MCF2L: variants seen among roughly 807,000 people sequenced by gnomAD.
The protein encoded by MCF2L is MCF.2 cell line derived transforming sequence like, also known as guanine nucleotide exchange factor DBS.
MCF2L carries 97 observed loss-of-function variants against 153.4 expected under a neutral mutation model. The ratio of observed to expected loss-of-function variants is 0.63; its 90% CI spans 0.54 to 0.75. MCF2L has a LOEUF of 0.75. Ranked by LOEUF, MCF2L falls within the 30% of genes least tolerant of loss-of-function variation. MCF2L has a pLI of 0.00. For missense variants in MCF2L, 1,347 were observed against 1,495.2 expected (o/e 0.90, Z 1.64); for synonymous variants, 659 against 632.2 (o/e 1.04, Z -0.64).
intron 1 of MCF2L, among the ~76,000 whole-genome samples, chr13:112,982,976 T>C (rs1433986865): frequency 6.6e-6 from 1 of 151,810 alleles, no homozygotes; most frequent in Non-Finnish European, 1.5e-5. Flanking sequence ...CGTCCCCGAG[T>C]CCATGGTGGT....
chr13:112,951,352 G>A lies in MCF2L; in HGVS notation c.169+48981G>A, dbSNP rs981264809. On this transcript the variant is annotated intron_variant, in intron 2 of 29. Transcript: ENST00000375608. This position sits in a 1 kb window ranked among gnomAD's most constrained non-coding sequence, Gnocchi z 4.8. ...TATGACCCAGCAATTGCACTCCTGGGAATTTATCCCAGAGAAATCAAAATT... is the reference window on the plus strand; with the variant it reads ...TATGACCCAGCAATTGCACTCCTGGAAATTTATCCCAGAGAAATCAAAATT... 1.3e-5 allele frequency among the ~76,000 whole-genome samples: 2 copies of A among 152,120 alleles called. No homozygotes were observed. Among genetic ancestry groups the A allele is most frequent in the Admixed American group, 1.3e-4 (2 of 15,276 alleles).
intron 2 of MCF2L, among the ~76,000 whole-genome samples, chr13:112,954,711 G>A (rs534127514): frequency 1.9e-3 from 283 of 152,346 alleles, no homozygotes; most frequent in African/African-American, 6.7e-3. Flanking sequence ...AGCTGCTCCA[G>A]GACCTCTGGG....
At position 113,054,044 on chromosome 13, in the gene MCF2L, G is replaced by A. The variant is rs2087555843; in HGVS notation, c.370-6549G>A. Among the ~76,000 whole-genome samples the A allele has an allele frequency of 6.6e-6, 1 of 152,146 alleles. No homozygotes were observed. The highest frequency in any genetic ancestry group is 1.5e-5 in the Non-Finnish European group (1 of 68,052). ...GCTGGTGTCTGCTGAGAAGCCGAGGGGAGGTTCTGGGGCTTGGCTTGAGCT... is the reference window on the plus strand; with the variant it reads ...GCTGGTGTCTGCTGAGAAGCCGAGGAGAGGTTCTGGGGCTTGGCTTGAGCT... On this transcript the variant is annotated intron_variant, in intron 4 of 29. Transcript: ENST00000535094. This position sits in a 1 kb window ranked among gnomAD's most constrained non-coding sequence, Gnocchi z 5.2.
intron 1 of MCF2L, among the ~76,000 whole-genome samples, chr13:113,006,441 G>A (rs1478609850): frequency 6.6e-6 from 1 of 152,206 alleles, no homozygotes; most frequent in Non-Finnish European, 1.5e-5. Flanking sequence ...CCTCCCCCCG[G>A]GAGCACAGGG....
At chr13:113,056,473 T>G (rs553596603) in intron 4 of MCF2L, among the ~76,000 whole-genome samples, 1 of 144,540 alleles carries the variant, frequency 6.9e-6, no homozygotes, top group Admixed American at 6.9e-5. Flanking sequence ...TGTGTTTGGG[T>G]GCTGAGTGTT....
intron 2 of MCF2L, among the ~76,000 whole-genome samples, chr13:112,953,585 G>T (rs1023996284): frequency 3.3e-5 from 5 of 152,252 alleles, no homozygotes; most frequent in Non-Finnish European, 7.3e-5. Flanking sequence ...CAGAAAGCAG[G>T]GGTGGGAAAG....
At chr13:113,037,995 A>G (rs1428381212) in intron 3 of MCF2L, among the ~76,000 whole-genome samples, 1 of 152,234 alleles carries the variant, frequency 6.6e-6, no homozygotes, top group Non-Finnish European at 1.5e-5. Flanking sequence ...GCAGGGGTCA[A>G]TATACTAAAC....
Position 113,090,393 on chromosome 13 carries a change from A to G in MCF2L, c.2953+665A>G, listed in dbSNP as rs531966100. 1.8e-4 allele frequency: 176 copies of G among 985,408 alleles called. No homozygotes were observed. The African/African-American group carries it at 2.8e-3, about 16-fold the overall frequency. 61.0% of individuals were successfully genotyped at this position (985,408 alleles called of 1,614,324 possible). On this transcript the variant is annotated intron_variant, in intron 26 of 29. Coordinates refer to ENST00000535094, the MANE Select transcript of MCF2L (RefSeq NM_001112732.3). ...TTTTCAAATGGAGGCTTGCTCAGAAACGGAGCTGTCCTTGGCTTTCCAGGC... is the reference window on the plus strand; with the variant it reads ...TTTTCAAATGGAGGCTTGCTCAGAAGCGGAGCTGTCCTTGGCTTTCCAGGC...
chr13:113,080,234 T>A, intron 15 of MCF2L, among the ~76,000 whole-genome samples: 1 of 122,422 alleles, frequency 8.2e-6, no homozygotes, highest in Non-Finnish European at 1.8e-5. Context: ...AGTGTTCGTA[T>A]GGAGGAGGGT....
intron 1 of MCF2L, among the ~76,000 whole-genome samples, chr13:112,990,107 C>A (rs1324091167): frequency 6.6e-6 from 1 of 152,238 alleles, no homozygotes; most frequent in Non-Finnish European, 1.5e-5. Flanking sequence ...CGCTCACTTC[C>A]TGCTGTGCAG....
chr13:113,076,220 TG>T, intron 12 of MCF2L, 63 bp downstream of exon 12: 1 of 1,204,948 alleles, frequency 8.3e-7, no homozygotes, highest in Non-Finnish European at 1.1e-6. Context: ...CATTCCTCTG[TG>T]GGAAGTTTGA....
chr13:112,900,197 C>T (rs1391799032), intron 1 of MCF2L, among the ~76,000 whole-genome samples: 1 of 152,212 alleles, frequency 6.6e-6, no homozygotes, highest in Non-Finnish European at 1.5e-5. Flanking sequence ...GGACATTTTT[C>T]TTCCTACTTT....
intron 3 of MCF2L, among the ~76,000 whole-genome samples, chr13:113,026,115 A>C (rs149569885): frequency 1.5e-4 from 3 of 20,196 alleles, no homozygotes; most frequent in Non-Finnish European, 2.1e-4. Flanking sequence ...GTGAGGTTTC[A>C]TCATGGTGGG....
At chr13:112,898,418 G>C (rs2081088560) in intron 1 of MCF2L, among the ~76,000 whole-genome samples, 1 of 152,180 alleles carries the variant, frequency 6.6e-6, no homozygotes, top group Admixed American at 6.5e-5. Context: ...GCTGCTGCTG[G>C]GTAAAGGCAC....
Position 112,902,103 on chromosome 13 carries a change from G to C in MCF2L, c.-4-96G>C, listed in dbSNP as rs754657615. ...TTCACTGCAGAATAAATACCACGAA[G>C]GTTGTAACTAGTTATTTCGGTTTTG... On this transcript the variant is annotated intron_variant, in intron 1 of 29. Coordinates refer to the MCF2L transcript ENST00000375608. 2.0e-4 allele frequency: 179 copies of C among 889,794 alleles called. 2 individuals are homozygous for C. The highest frequency in any genetic ancestry group is 2.4e-4 in the Non-Finnish European group (137 of 568,924). The allele number at this position is 889,794 out of a possible 1,614,324, so 55.1% of individuals were successfully genotyped here.
At chr13:113,089,173 C>A (rs1217911284) in intron 25 of MCF2L, among the ~76,000 whole-genome samples, 3 of 116,324 alleles carry the variant, frequency 2.6e-5, no homozygotes, top group African/African-American at 3.6e-5. Context: ...TCCCCCGCCC[C>A]CCCCCCCGCC....
chr13:113,050,898 C>T (rs2087261111), intron 4 of MCF2L, among the ~76,000 whole-genome samples: 1 of 151,984 alleles, frequency 6.6e-6, no homozygotes, highest in African/African-American at 2.4e-5. Context: ...AGGAGCTTCC[C>T]CTGGGAACAC....
intron 1 of MCF2L, among the ~76,000 whole-genome samples, chr13:112,972,321 A>T (rs2082064409): frequency 6.7e-6 from 1 of 150,068 alleles, no homozygotes; most frequent in Admixed American, 6.6e-5. Flanking sequence ...GGATGGATGG[A>T]TGGATGGATG....
In MCF2L at chr13:113,062,151, G is replaced by A. The variant is rs897428971; in HGVS notation, c.489+1439G>A. Among the ~76,000 whole-genome samples, 3 of 151,828 alleles carry A rather than the reference G, an allele frequency of 2.0e-5. No homozygotes were observed. In the East Asian group the frequency reaches 5.9e-4, roughly 30 times the overall value. ...TTTTTGTAGCCTTGGAGAAGCCTTA[G>A]TGTCTGAACAGTCCATTCCCTAGAG... On this transcript the variant is annotated intron_variant, in intron 5 of 29. Coordinates refer to ENST00000535094, the MANE Select transcript of MCF2L (RefSeq NM_001112732.3).
Sources: gnomAD v4.1 joint callset for allele counts (sites outside exome capture counted in the v4.1 genomes callset) on GRCh38, gnomAD v4.1.1 for gene constraint, Gnocchi (gnomAD v3.1) non-coding constraint, MANE v1.5 for transcripts, NCBI Gene and HGNC (gene_info 2026-07-23, HGNC 2026-07-21) for gene names.